QTMAN: variants seen among roughly 807,000 people sequenced by gnomAD.
QTMAN encodes the protein tRNA-queuosine alpha-mannosyltransferase.
chr2:144,208,672 T>C, the QTMAN span: 9 of 1,613,978 alleles, frequency 5.6e-6, no homozygotes, highest in Admixed American at 1.2e-4. Context: ...CCAATGCCAT[T>C]TCTTTGCAGG....
At chr2:144,129,626 T>C in the QTMAN span, among the ~76,000 whole-genome samples, 2 of 151,980 alleles carry the variant, frequency 1.3e-5, no homozygotes, top group African/African-American at 4.8e-5. Context: ...CATTCTAAAA[T>C]ACAACACTAA....
chr2:144,289,097 G>A, the QTMAN span, among the ~76,000 whole-genome samples: 13 of 146,430 alleles, frequency 8.9e-5, no homozygotes, highest in African/African-American at 3.1e-4. Flanking sequence ...GCAGTGGTGC[G>A]ATCTCCACTC....
At chr2:144,222,326 T>TG in the QTMAN span, among the ~76,000 whole-genome samples, 1 of 151,914 alleles carries the variant, frequency 6.6e-6, no homozygotes, top group East Asian at 2.0e-4. Flanking sequence ...CCCAAAGTGC[T>TG]GGGATTACAG....
At chr2:143,952,124 C>T in the QTMAN span, 1 of 1,004,700 alleles carries the variant, frequency 1.0e-6, no homozygotes, top group South Asian at 1.3e-5. Context: ...TCAAAGCACA[C>T]ACTCGATATT....
chr2:144,053,598 C>T, the QTMAN span, among the ~76,000 whole-genome samples: 2 of 152,194 alleles, frequency 1.3e-5, no homozygotes, highest in African/African-American at 2.4e-5. Context: ...ATCCTTATAA[C>T]ATCCTGATAT....
the QTMAN span, among the ~76,000 whole-genome samples, chr2:144,019,441 T>TGG: frequency 3.7e-5 from 4 of 108,434 alleles, no homozygotes; most frequent in African/African-American, 1.4e-4. Flanking sequence ...TGCAGGTGTG[T>TGG]GTGTGTGTGT....
the QTMAN span, among the ~76,000 whole-genome samples, chr2:144,058,115 CCCT>C: frequency 3.5e-4 from 45 of 127,904 alleles, 5 homozygotes; most frequent in African/African-American, 1.4e-3. Context: ...GAAAGAACCC[CCCT>C]CCCCCACCCC....
chr2:144,190,778 C>A, the QTMAN span, among the ~76,000 whole-genome samples: 3 of 152,058 alleles, frequency 2.0e-5, no homozygotes, highest in African/African-American at 4.8e-5. Flanking sequence ...GGGTATGATT[C>A]TAAGGGATGG....
chr2:144,164,380 A>G, the QTMAN span, among the ~76,000 whole-genome samples: 3 of 152,150 alleles, frequency 2.0e-5, no homozygotes, highest in Non-Finnish European at 4.4e-5. Context: ...TGATGTAAGC[A>G]TTTTGAGACT....
chr2:144,118,609 C>T, the QTMAN span, among the ~76,000 whole-genome samples: 2 of 152,270 alleles, frequency 1.3e-5, no homozygotes, highest in South Asian at 2.1e-4. Flanking sequence ...GTGGGCCAGG[C>T]GCAGTGGCTC....
chr2:144,280,225 G>A, the QTMAN span, among the ~76,000 whole-genome samples: 2 of 152,166 alleles, frequency 1.3e-5, no homozygotes, highest in Admixed American at 1.3e-4. Context: ...TGGAGTCACT[G>A]TTCTCTTTTA....
At chr2:144,116,211 A>G in the QTMAN span, among the ~76,000 whole-genome samples, 2 of 150,516 alleles carry the variant, frequency 1.3e-5, no homozygotes, top group East Asian at 2.0e-4. Context: ...ATTTGCTTAT[A>G]TATTAGTCAA....
chr2:144,005,713 TAA>T, the QTMAN span: 1 of 152,126 alleles, frequency 6.6e-6, no homozygotes, highest in Non-Finnish European at 1.5e-5. Flanking sequence ...GCAATTAAAT[TAA>T]ATTAAAGCAA....
the QTMAN span, chr2:143,947,125 G>A: frequency 5.6e-6 from 9 of 1,613,014 alleles, no homozygotes; most frequent in South Asian, 1.1e-5. Flanking sequence ...AGAAAACGGA[G>A]CGATTTCACC....
At chr2:144,157,569 G>A in the QTMAN span, among the ~76,000 whole-genome samples, 2 of 151,960 alleles carry the variant, frequency 1.3e-5, no homozygotes, top group African/African-American at 4.8e-5. Context: ...CAGAAAAAAG[G>A]CTTTAGAAAA....
At chr2:144,296,257 CTT>C in the QTMAN span, among the ~76,000 whole-genome samples, 6 of 152,146 alleles carry the variant, frequency 3.9e-5, no homozygotes, top group Admixed American at 3.9e-4. Context: ...AACTGTCTCT[CTT>C]ACAAAAACCA....
the QTMAN span, among the ~76,000 whole-genome samples, chr2:144,126,407 CCA>C: frequency 6.6e-6 from 1 of 152,040 alleles, no homozygotes; most frequent in Admixed American, 6.6e-5. Context: ...ATTATGATGT[CCA>C]CTTAACATAG....
chr2:144,234,162 A>G, the QTMAN span, among the ~76,000 whole-genome samples: 5 of 152,202 alleles, frequency 3.3e-5, no homozygotes, highest in Admixed American at 2.0e-4. Flanking sequence ...GAAAGAGGTG[A>G]TAAGTGATCA....
the QTMAN span, among the ~76,000 whole-genome samples, chr2:144,331,312 G>A: frequency 1.3e-5 from 2 of 152,144 alleles, no homozygotes. Flanking sequence ...CACGTTAATA[G>A]AAGCCAATAG....
Sources: gnomAD v4.1 joint callset for allele counts (sites outside exome capture counted in the v4.1 genomes callset) on GRCh38, gnomAD v4.1.1 for gene constraint, MANE v1.5 for transcripts, NCBI Gene and HGNC (gene_info 2026-07-23, HGNC 2026-07-21) for gene names.